CPQ: variants seen among roughly 807,000 people sequenced by gnomAD.
CPQ encodes Ser-Met dipeptidase.
A neutral mutation model predicts 45.7 loss-of-function variants in CPQ; 37 were observed. The observed-to-expected ratio is 0.81, with a 90% CI of 0.62 to 1.07. The LOEUF is 1.07. Ranked by LOEUF, CPQ falls within the 50% of genes least tolerant of loss-of-function variation. The pLI, the probability that CPQ is intolerant of heterozygous loss-of-function variation, is 0.00. For missense variants in CPQ, 537 were observed against 572.9 expected (o/e 0.94, Z 0.64); for synonymous variants, 186 against 205.8 (o/e 0.90, Z 0.82).
At chr8:96,693,450 G>A (rs1341076410) in intron 1 of CPQ, among the ~76,000 whole-genome samples, 6 of 152,032 alleles carry the variant, frequency 3.9e-5, no homozygotes, top group African/African-American at 1.2e-4. Context: ...TATAAAGAAA[G>A]GATCCTAAAA....
At chr8:97,077,909 C>G (rs559132781) in intron 7 of CPQ, among the ~76,000 whole-genome samples, 3 of 152,164 alleles carry the variant, frequency 2.0e-5, no homozygotes, top group Non-Finnish European at 2.9e-5. Context: ...ACAGAACTTT[C>G]CCCTTATCAG....
rs546475291 is a variant in CPQ at position 97,010,787 on chromosome 8, T to C, written c.962-18616T>C. ...AAGACCTTAATGTTTAAAAAAATCA[T>C]TTCTTCTTAAAACTTAAAGGCCCTA... is the stretch of plus-strand genomic sequence containing the variant. On this transcript the variant is annotated intron_variant, in intron 5 of 7. Transcript: ENST00000220763. Among the ~76,000 whole-genome samples the C allele has an allele frequency of 2.0e-5, 3 of 152,320 alleles. No homozygotes were observed. The South Asian group carries it at 6.2e-4, about 32-fold the overall frequency.
intron 1 of CPQ, among the ~76,000 whole-genome samples, chr8:96,734,536 T>G (rs1397481509): frequency 2.0e-5 from 3 of 151,398 alleles, no homozygotes; most frequent in African/African-American, 7.3e-5. Flanking sequence ...ACGGTGAAAC[T>G]CCATCTCTAC....
chr8:96,702,848 T>G (rs531954286), intron 1 of CPQ, among the ~76,000 whole-genome samples: 4 of 152,168 alleles, frequency 2.6e-5, no homozygotes, highest in East Asian at 1.9e-4. Context: ...GTGCTTTTTT[T>G]GGGGGGGTTG....
chr8:96,993,541 G>A (rs1809130148), intron 5 of CPQ, among the ~76,000 whole-genome samples: 1 of 152,024 alleles, frequency 6.6e-6, no homozygotes, highest in Non-Finnish European at 1.5e-5. Flanking sequence ...ATATCACAAA[G>A]TTTTATTTTC....
intron 1 of CPQ, among the ~76,000 whole-genome samples, chr8:96,734,114 C>T (rs1216983829): frequency 3.9e-5 from 6 of 152,172 alleles, no homozygotes; most frequent in African/African-American, 1.2e-4. Flanking sequence ...CTCAATAACA[C>T]TACTTAGTTG....
intron 4 of CPQ, among the ~76,000 whole-genome samples, chr8:96,928,622 C>G (rs188275959): frequency 1.4e-4 from 22 of 152,194 alleles, no homozygotes; most frequent in Non-Finnish European, 2.8e-4. Flanking sequence ...CTCAACAGTT[C>G]CAGAACTGAA....
At position 96,689,665 on chromosome 8, in the gene CPQ, T is replaced by C. The variant is rs535334631; in HGVS notation, c.-35+44263T>C. ...ATTTTTTCTTATTTCCTTGAGGACT[T>C]TTCTCTAGATGGGAAAAATTATGTA... is the stretch of plus-strand genomic sequence containing the variant. On this transcript the variant is annotated intron_variant, in intron 1 of 7. Transcript: ENST00000220763. Among the ~76,000 whole-genome samples the C allele has an allele frequency of 7.9e-5, 12 of 151,904 alleles. No individual in the cohort carries two copies. The South Asian group carries it at 1.9e-3, about 24-fold the overall frequency.
chr8:97,066,269 TTC>T (rs924944173), intron 7 of CPQ, 59 bp downstream of exon 7: 2 of 1,520,488 alleles, frequency 1.3e-6, no homozygotes, highest in African/African-American at 1.4e-5. Flanking sequence ...AAAATAAAAT[TTC>T]TGTTTTAATA....
chr8:96,748,510 T>A (rs899131331), intron 1 of CPQ, among the ~76,000 whole-genome samples: 1 of 152,138 alleles, frequency 6.6e-6, no homozygotes, highest in African/African-American at 2.4e-5. Context: ...ATTTTATTCA[T>A]AGAAAATATT....
intron 5 of CPQ, among the ~76,000 whole-genome samples, chr8:97,011,554 G>A (rs938369296): frequency 6.6e-6 from 1 of 152,162 alleles, no homozygotes; most frequent in African/African-American, 2.4e-5. Flanking sequence ...GTATAAAGCA[G>A]TTAAGAGCAT....
intron 1 of CPQ, among the ~76,000 whole-genome samples, chr8:96,770,910 G>A (rs910549267): frequency 2.0e-5 from 3 of 148,604 alleles, no homozygotes; most frequent in African/African-American, 7.3e-5. Flanking sequence ...ATTCTATACC[G>A]AAGAATAGTT....
chr8:97,063,268 C>T (rs58268224), intron 6 of CPQ, among the ~76,000 whole-genome samples: 20,526 of 151,978 alleles, frequency 0.14, 3,407 homozygotes, highest in African/African-American at 0.39. Context: ...GTTGGCCACA[C>T]GTATGTCTTC....
At chr8:96,961,895 C>A (rs533780272) in intron 4 of CPQ, among the ~76,000 whole-genome samples, 1 of 152,214 alleles carries the variant, frequency 6.6e-6, no homozygotes, top group South Asian at 2.1e-4. Flanking sequence ...CCTAGTCCTG[C>A]CATATTTTTC....
intron 5 of CPQ, among the ~76,000 whole-genome samples, chr8:96,970,892 A>G (rs1813663181): frequency 1.3e-5 from 2 of 152,146 alleles, no homozygotes; most frequent in Admixed American, 1.3e-4. Context: ...TATTGTTTTA[A>G]TGGAAAAACA....
chr8:96,973,555 G>A (rs1291758145), intron 5 of CPQ, among the ~76,000 whole-genome samples: 1 of 152,088 alleles, frequency 6.6e-6, no homozygotes, highest in Non-Finnish European at 1.5e-5. Flanking sequence ...TCATCACCTA[G>A]GCACATAGTC....
intron 4 of CPQ, among the ~76,000 whole-genome samples, chr8:96,907,025 A>G (rs1039177807): frequency 2.6e-5 from 4 of 152,204 alleles, no homozygotes; most frequent in African/African-American, 9.6e-5. Context: ...GATAAGGCAA[A>G]CAAATGTTGA....
At chr8:96,776,083 C>T (rs2130801694) in intron 1 of CPQ, among the ~76,000 whole-genome samples, 1 of 152,260 alleles carries the variant, frequency 6.6e-6, no homozygotes, top group Non-Finnish European at 1.5e-5. Context: ...AGTGAGTTCT[C>T]AATAAGCTTT....
At chr8:97,142,921 C>G in intron 7 of CPQ, 99 bp from the exon 8 acceptor site, 1 of 1,109,934 alleles carries the variant, frequency 9.0e-7, no homozygotes, top group Non-Finnish European at 1.3e-6. Flanking sequence ...CTATTGCAGA[C>G]TGTATAATAG....
Sources: gnomAD v4.1 joint callset for allele counts (sites outside exome capture counted in the v4.1 genomes callset) on GRCh38, gnomAD v4.1.1 for gene constraint, MANE v1.5 for transcripts, NCBI Gene and HGNC (gene_info 2026-07-23, HGNC 2026-07-21) for gene names.